The following CSRP2 variants were observed in gnomAD, a reference collection of about 807,000 sequenced individuals.
The protein encoded by CSRP2 is cysteine and glycine-rich protein 2.
Under a neutral mutation model 24.6 loss-of-function variants are expected in CSRP2, and 18 were observed. That is an observed-to-expected ratio of 0.73 (90% CI 0.51 to 1.09). The LOEUF (loss-of-function observed/expected upper bound fraction) is 1.09. Ranked by LOEUF, CSRP2 falls within the 50% of genes least tolerant of loss-of-function variation. The probability of loss-of-function intolerance (pLI) is 0.00; values close to 1 mark genes in which losing one functional copy is unlikely to be tolerated. For missense variants in CSRP2, 215 were observed against 239.4 expected (o/e 0.90, Z 0.67); for synonymous variants, 87 against 84.3 (o/e 1.03, Z -0.18).
intron 1 of CSRP2, among the ~76,000 whole-genome samples, chr12:76,868,912 G>A (rs982660672): frequency 3.4e-5 from 5 of 145,510 alleles, no homozygotes; most frequent in Middle Eastern, 3.9e-3. Flanking sequence ...CAGCCTGGGC[G>A]ACAGAGCGAG....
At chr12:76,875,538 T>C (rs1953844450) in intron 1 of CSRP2, among the ~76,000 whole-genome samples, 1 of 152,228 alleles carries the variant, frequency 6.6e-6, no homozygotes, top group Non-Finnish European at 1.5e-5. Flanking sequence ...TATTTAATTA[T>C]TCAAACAATT....
At position 76,858,912 on chromosome 12, in the gene CSRP2, G is replaced by A. The variant is rs758633496; in HGVS notation, c.*40C>T. On this transcript the variant is annotated 3_prime_UTR_variant, in exon 6 of 6. Transcript: ENST00000311083. ...AGATTATCTGTGCCTAGATTATGAA[G>A]AGATTCTCAGTGTGTGATGTTTAGT... The A allele has an allele frequency of 1.7e-5, 26 of 1,530,444 alleles. 1 individual carries two copies. Among genetic ancestry groups the A allele is most frequent in the South Asian group, 1.2e-4 (11 of 89,240 alleles). 94.8% of individuals were successfully genotyped at this position (1,530,444 alleles called of 1,614,324 possible).
chr12:76,871,665 G>A (rs553577194), intron 1 of CSRP2, among the ~76,000 whole-genome samples: 4 of 151,906 alleles, frequency 2.6e-5, no homozygotes, highest in Admixed American at 1.3e-4. Flanking sequence ...TCGGGAGGCT[G>A]AGGCAGGAGA....
intron 1 of CSRP2, among the ~76,000 whole-genome samples, chr12:76,875,038 C>T (rs1488839128): frequency 6.6e-6 from 1 of 152,148 alleles, no homozygotes; most frequent in Non-Finnish European, 1.5e-5. Context: ...ATTCCAGAAC[C>T]ACAAGCTTTC....
intron 2 of CSRP2, 34 bp from the exon 3 acceptor site, chr12:76,863,378 C>T (rs1390725378): frequency 1.2e-6 from 2 of 1,604,900 alleles, no homozygotes; most frequent in Non-Finnish European, 8.5e-7. Context: ...TACACATGTT[C>T]CAAAGATGCC....
At chr12:76,860,441 G>C (rs914874200) in intron 3 of CSRP2, 28 bp from the exon 4 acceptor site, 1 of 1,609,868 alleles carries the variant, frequency 6.2e-7, no homozygotes, top group East Asian at 2.2e-5. Context: ...AAAAAAGTAG[G>C]CAAGAGTTTC....
intron 4 of CSRP2, 85 bp downstream of exon 4, chr12:76,860,199 C>T (rs532633588): frequency 9.8e-5 from 139 of 1,420,342 alleles, no homozygotes; most frequent in Non-Finnish European, 1.2e-4. Flanking sequence ...TAAGACATCA[C>T]CCAAGCAAGG....
At chr12:76,862,708 T>C in intron 3 of CSRP2, 1 of 1,278,792 alleles carries the variant, frequency 7.8e-7, no homozygotes, top group Non-Finnish European at 1.0e-6. Context: ...AAGAAGTAAT[T>C]TCCATTTTTA....
At chr12:76,864,727 A>G (rs1953718451) in intron 2 of CSRP2, 1 of 152,196 alleles carries the variant, frequency 6.6e-6, no homozygotes, top group South Asian at 2.1e-4. Context: ...TGGCTGGTTT[A>G]AAATTTAGTC....
rs1180268604 is a variant in CSRP2 at position 76,860,233 on chromosome 12, A to G, written c.411+51T>C. On this transcript the variant is annotated intron_variant, in intron 4 of 5. Coordinates refer to ENST00000311083, the MANE Select transcript of CSRP2 (RefSeq NM_001321.3). The stretch of plus-strand genomic sequence containing the variant: ...GGAATGTGGAAGGGTTAGGGGAGAA[A>G]GGGAGCAGAGAGAAGTCATTTGCTG... 3.1e-6 allele frequency: 5 copies of G among 1,591,630 alleles called. No homozygotes were observed. The South Asian group carries it at 5.6e-5, about 18-fold the overall frequency.
chr12:76,859,280 T>C (rs1565818944), intron 5 of CSRP2, among the ~76,000 whole-genome samples: 1 of 152,184 alleles, frequency 6.6e-6, no homozygotes, highest in Non-Finnish European at 1.5e-5. Context: ...AGGTATGTAT[T>C]TGTCTGTTTT....
intron 1 of CSRP2, among the ~76,000 whole-genome samples, chr12:76,874,831 C>T (rs1292631238): frequency 6.6e-6 from 1 of 152,104 alleles, no homozygotes; most frequent in Non-Finnish European, 1.5e-5. Context: ...CCACTCGTTA[C>T]GAGAATCTAA....
At chr12:76,872,851 AAC>A (rs887898797) in intron 1 of CSRP2, among the ~76,000 whole-genome samples, 5 of 151,914 alleles carry the variant, frequency 3.3e-5, no homozygotes, top group African/African-American at 1.2e-4. Flanking sequence ...CGCTCCTTAA[AAC>A]CACTCCACGT....
intron 1 of CSRP2, 39 bp from the exon 2 acceptor site, chr12:76,866,300 G>A: frequency 6.5e-7 from 1 of 1,531,522 alleles, no homozygotes; most frequent in South Asian, 1.1e-5. Context: ...TCCCTGTGCT[G>A]GTCGTACGGC....
At chr12:76,873,392 T>A (rs1468320847) in intron 1 of CSRP2, among the ~76,000 whole-genome samples, 1 of 152,158 alleles carries the variant, frequency 6.6e-6, no homozygotes, top group Non-Finnish European at 1.5e-5. Flanking sequence ...TTCTACAAAT[T>A]TTTTCTTCTG....
chr12:76,859,477 G>T, intron 5 of CSRP2, 70 bp downstream of exon 5: 9 of 975,794 alleles, frequency 9.2e-6, no homozygotes, highest in African/African-American at 1.7e-5. Flanking sequence ...TTTAATGCCA[G>T]TGACATTTCA....
intron 3 of CSRP2, 59 bp downstream of exon 3, chr12:76,863,117 C>A: frequency 6.5e-7 from 1 of 1,540,146 alleles, no homozygotes; most frequent in South Asian, 1.3e-5. Context: ...TCCTGTTCAG[C>A]AAGCGGCACT....
intron 2 of CSRP2, chr12:76,865,839 T>C (rs1399900467): frequency 1.3e-5 from 4 of 307,878 alleles, no homozygotes; most frequent in African/African-American, 8.8e-5. Flanking sequence ...CCAGAAACTG[T>C]GCTAGGTGCC....
At chr12:76,876,459 T>C (rs1953852216) in intron 1 of CSRP2, among the ~76,000 whole-genome samples, 1 of 152,210 alleles carries the variant, frequency 6.6e-6, no homozygotes, top group African/African-American at 2.4e-5. Flanking sequence ...CTGAGAAATA[T>C]TCCCTTAATT....
Sources: allele counts gnomAD v4.1 joint callset (sites outside exome capture counted in the v4.1 genomes callset), GRCh38; gene constraint gnomAD v4.1.1; transcripts MANE v1.5; gene names NCBI Gene and HGNC (gene_info 2026-07-23, HGNC 2026-07-21).